The following GCLM variants were observed in gnomAD, a reference collection of about 807,000 sequenced individuals.
GCLM encodes glutamate-cysteine ligase modifier subunit.
GCLM carries 15 observed loss-of-function variants against 36.0 expected under a neutral mutation model. The ratio of observed to expected loss-of-function variants is 0.42; its 90% confidence interval spans 0.28 to 0.64. The LOEUF (loss-of-function observed/expected upper bound fraction) is 0.64. GCLM is among the 30% of genes least tolerant of loss of function. The pLI is 0.25. For synonymous variants in GCLM, 129 were observed against 122.8 expected (o/e 1.05, Z -0.34); for missense variants, 242 against 325.5 (o/e 0.74, Z 1.97).
rs1360387981 is a variant in GCLM at position 93,888,999 on chromosome 1, C to T, written c.816G>A (p.Arg272=). 6.3e-7 allele frequency: 1 copy of T among 1,586,460 alleles called. No individual in the cohort carries two copies. The highest frequency in any genetic ancestry group is 1.8e-5 in the Admixed American group (1 of 54,430). ...TATGCTCCTAAGTCAGTTAAGAACC[C>T]CTTCTTTTAGCTTGTAAAATGTAGC... ...SKGYILQAKR[R]GS The change falls in exon 7 of 7, where the codon AGG becomes AGA. Residue 272 remains arginine (R), a synonymous_variant. Transcript: ENST00000370238.
intron 2 of GCLM, among the ~76,000 whole-genome samples, chr1:93,903,324 T>A (rs1486628627): frequency 6.6e-6 from 1 of 151,812 alleles, no homozygotes; most frequent in East Asian, 1.9e-4. Context: ...TATTATTATT[T>A]TTTTGAGACA....
intron 1 of GCLM, among the ~76,000 whole-genome samples, 197 bp from the exon 2 acceptor site, chr1:93,904,785 CTT>C (rs1158137127): frequency 3.9e-5 from 6 of 152,214 alleles, no homozygotes; most frequent in African/African-American, 1.4e-4. Context: ...TCATCCTACT[CTT>C]GTTTCTCAAA....
At chr1:93,894,071 G>A (rs558274352) in intron 6 of GCLM, among the ~76,000 whole-genome samples, 4 of 151,974 alleles carry the variant, frequency 2.6e-5, no homozygotes, top group Admixed American at 2.6e-4. Flanking sequence ...CAGCCTGGGT[G>A]ACATGGTGAA....
intron 1 of GCLM, among the ~76,000 whole-genome samples, chr1:93,906,216 T>C (rs1367833369): frequency 6.6e-6 from 1 of 152,234 alleles, no homozygotes. Flanking sequence ...AACAATTCAC[T>C]TGAATTCAAA....
At chr1:93,904,939 T>C (rs1028253977) in intron 1 of GCLM, among the ~76,000 whole-genome samples, 3 of 151,980 alleles carry the variant, frequency 2.0e-5, no homozygotes, top group Non-Finnish European at 2.9e-5. Flanking sequence ...TTTGGGAGGC[T>C]GAGGGGGGCA....
At chr1:93,894,398 G>A (rs1656644633) in intron 6 of GCLM, among the ~76,000 whole-genome samples, 1 of 151,894 alleles carries the variant, frequency 6.6e-6, no homozygotes, top group African/African-American at 2.4e-5. Context: ...CAGATGTTCA[G>A]GAAATGATCC....
At chr1:93,895,012 CT>C (rs562917011) in intron 5 of GCLM, among the ~76,000 whole-genome samples, 1,792 of 128,048 alleles carry the variant, frequency 0.014, 17 homozygotes, top group African/African-American at 0.046. Context: ...CAGTACTACA[CT>C]TTTTTTTTTT....
chr1:93,902,023 C>A (rs1656969481), intron 2 of GCLM, among the ~76,000 whole-genome samples: 1 of 151,910 alleles, frequency 6.6e-6, no homozygotes, highest in Non-Finnish European at 1.5e-5. Context: ...TAAAAAGAAA[C>A]CAATGAAAAT....
At chr1:93,902,863 TA>T (rs1303596545) in intron 2 of GCLM, among the ~76,000 whole-genome samples, 1 of 60,358 alleles carries the variant, frequency 1.7e-5, no homozygotes, top group African/African-American at 1.1e-4. Context: ...ATCTTTTTAC[TA>T]GTTTTTTTTA....
chr1:93,905,766 A>G (rs1412402450), intron 1 of GCLM, among the ~76,000 whole-genome samples: 1 of 152,216 alleles, frequency 6.6e-6, no homozygotes, highest in Non-Finnish European at 1.5e-5. Context: ...AACAGTCATA[A>G]AGCGGTATTT....
chr1:93,906,321 A>C (rs1275043634), intron 1 of GCLM, among the ~76,000 whole-genome samples: 1 of 152,220 alleles, frequency 6.6e-6, no homozygotes, highest in Non-Finnish European at 1.5e-5. Context: ...TACAATTATA[A>C]GTCATAGTAT....
At chr1:93,904,419 C>G (rs1403885220) in intron 2 of GCLM, 104 bp downstream of exon 2, 2 of 751,404 alleles carry the variant, frequency 2.7e-6, no homozygotes, top group African/African-American at 3.5e-5. Flanking sequence ...GAGTTTATGG[C>G]TAATTGCCTA....
At chr1:93,890,140 C>T (rs1399784150) in intron 6 of GCLM, among the ~76,000 whole-genome samples, 1 of 151,956 alleles carries the variant, frequency 6.6e-6, no homozygotes, top group Non-Finnish European at 1.5e-5. Flanking sequence ...GAACTCCTGA[C>T]CTCAGGTGAT....
At position 93,886,195 on chromosome 1, in the gene GCLM, T is replaced by C. The variant is rs901922221; in HGVS notation, c.*2795A>G. Reference sequence around the variant, plus strand: ...AAGGCTCCACTGTATTTTGGACATGTAATAAACAAGCTACAGCTTTTTTTT... The same window carrying C: ...AAGGCTCCACTGTATTTTGGACATGCAATAAACAAGCTACAGCTTTTTTTT... On this transcript the variant is annotated 3_prime_UTR_variant, in exon 7 of 7. Transcript: ENST00000370238. 33 of 147,608 alleles carry C rather than the reference T, an allele frequency of 2.2e-4. No individual in the cohort carries two copies. The highest frequency in any genetic ancestry group is 1.4e-4 in the Admixed American group (2 of 14,452). 9.1% of individuals were successfully genotyped at this position (147,608 alleles called of 1,614,324 possible).
chr1:93,894,464 G>C (rs1656647560), intron 6 of GCLM, 150 bp downstream of exon 6: 4 of 471,974 alleles, frequency 8.5e-6, no homozygotes. Flanking sequence ...AATAAAATGA[G>C]GGCATATAGG....
In GCLM at chr1:93,897,847, AC is replaced by A; in HGVS notation, c.328del (p.Val110LeufsTer16). 1 of 1,552,136 alleles carries A rather than the reference AC, an allele frequency of 6.4e-7. No homozygotes were observed. The highest frequency in any genetic ancestry group is 8.7e-7 in the Non-Finnish European group (1 of 1,154,186). On this transcript the variant is annotated frameshift_variant, in exon 4 of 7. Transcript: ENST00000370238. LOFTEE classifies it high-confidence loss of function. ...SNSSSSTRSA[V>X]DMACSVLGVA... ...ATTCAGTTTTTGCTTACCCATGTCAACTGCACTTCTAGTTGATGATGAAGAG... is the reference window on the plus strand; with the variant it reads ...ATTCAGTTTTTGCTTACCCATGTCAATGCACTTCTAGTTGATGATGAAGAG...
intron 6 of GCLM, among the ~76,000 whole-genome samples, chr1:93,890,205 C>T (rs752263664): frequency 1.2e-4 from 18 of 151,972 alleles, no homozygotes; most frequent in Non-Finnish European, 2.4e-4. Context: ...CCACCGTGCC[C>T]GGCCTCGAAA....
At chr1:93,894,493 G>GAAT in intron 6 of GCLM, 121 bp downstream of exon 6, 1 of 595,002 alleles carries the variant, frequency 1.7e-6, no homozygotes, top group South Asian at 2.2e-5. Context: ...TAACCATTAA[G>GAAT]AATAGTTCAG....
intron 1 of GCLM, among the ~76,000 whole-genome samples, chr1:93,906,256 T>C (rs572240374): frequency 6.6e-6 from 1 of 152,368 alleles, no homozygotes; most frequent in Non-Finnish European, 1.5e-5. Flanking sequence ...ATGTAAAGCA[T>C]ATTTATAATC....
Sources: allele counts gnomAD v4.1 joint callset (sites outside exome capture counted in the v4.1 genomes callset), GRCh38; gene constraint gnomAD v4.1.1; transcripts MANE v1.5; gene names NCBI Gene and HGNC (gene_info 2026-07-23, HGNC 2026-07-21).